TNIK: variants seen among roughly 807,000 people sequenced by gnomAD.
The protein encoded by TNIK is TRAF2 and NCK interacting kinase.
In TNIK, 49 loss-of-function variants were observed where a neutral mutation model predicts 191.3. The observed-to-expected ratio is 0.26, with a 90% CI of 0.20 to 0.32. TNIK has a LOEUF of 0.32. TNIK is among the 10% of genes least tolerant of loss of function. The pLI, the probability that TNIK is intolerant of heterozygous loss-of-function variation, is 1.00. For synonymous variants in TNIK, 594 were observed against 600.9 expected (o/e 0.99, Z 0.17); for missense variants, 1,155 against 1,702.3 (o/e 0.68, Z 5.66).
rs777397066 is a variant in TNIK, at chr3:171,177,314, G to A, written c.694+12C>T. The stretch of plus-strand genomic sequence containing the variant: ...ACCAGCAACAGATTTCACCCCAGAG[G>A]AGGGTACTTACGGGGAGCACCTTCT... On this transcript the variant is annotated intron_variant, in intron 8 of 32. Coordinates refer to ENST00000436636, the MANE Select transcript of TNIK (RefSeq NM_015028.4). 2 of 1,604,828 alleles carry A rather than the reference G, an allele frequency of 1.2e-6. No homozygotes were observed. Among genetic ancestry groups the A allele is most frequent in the Non-Finnish European group, 1.7e-6 (2 of 1,175,624 alleles).
At chr3:171,211,066 C>A in intron 4 of TNIK, 50 bp downstream of exon 4, 1 of 1,597,222 alleles carries the variant, frequency 6.3e-7, no homozygotes, top group South Asian at 1.2e-5. Flanking sequence ...AACCATTTGG[C>A]CGTGTTTGTT....
chr3:171,225,338 C>G (rs1400570792), intron 3 of TNIK, among the ~76,000 whole-genome samples: 1 of 152,114 alleles, frequency 6.6e-6, no homozygotes, highest in Non-Finnish European at 1.5e-5. Context: ...AATAAGAAAA[C>G]CATTTCCTGA....
chr3:171,391,919 C>A (rs1328936431), intron 1 of TNIK, among the ~76,000 whole-genome samples: 2 of 152,112 alleles, frequency 1.3e-5, no homozygotes, highest in East Asian at 3.8e-4. Flanking sequence ...TCACAAGACA[C>A]CTGTAGGACA....
chr3:171,206,284 T>C (rs1057154855), intron 4 of TNIK, among the ~76,000 whole-genome samples: 1 of 150,422 alleles, frequency 6.6e-6, no homozygotes, highest in African/African-American at 2.4e-5. Context: ...CATATACATA[T>C]GTATGTACAC....
At chr3:171,371,535 A>G (rs1716487538) in intron 1 of TNIK, among the ~76,000 whole-genome samples, 1 of 152,222 alleles carries the variant, frequency 6.6e-6, no homozygotes, top group Admixed American at 6.5e-5. Context: ...CCAGAAGTCC[A>G]GAAGTTCCAG....
intron 23 of TNIK, among the ~76,000 whole-genome samples, chr3:171,092,237 C>T (rs746551063): frequency 7.9e-5 from 12 of 152,188 alleles, no homozygotes; most frequent in East Asian, 3.9e-4. Context: ...CACGAGCCAC[C>T]GCGCCCGGCT....
intron 2 of TNIK, among the ~76,000 whole-genome samples, chr3:171,317,004 GATATATATCATATAAAATATATAATTATA>G: frequency 2.4e-5 from 1 of 41,354 alleles, no homozygotes; most frequent in African/African-American, 1.5e-4. Context: ...ATAATTATAT[GATATATATCATATAAAATATATAATTATA>G]TATCTTTTAT....
intron 4 of TNIK, among the ~76,000 whole-genome samples, chr3:171,204,224 A>G (rs1042454367): frequency 6.6e-6 from 1 of 152,154 alleles, no homozygotes; most frequent in African/African-American, 2.4e-5. Flanking sequence ...TCCGGATCAG[A>G]CCCTGAGCAG....
chr3:171,447,497 T>C (rs1410270995), intron 1 of TNIK, among the ~76,000 whole-genome samples: 1 of 152,258 alleles, frequency 6.6e-6, no homozygotes, highest in Non-Finnish European at 1.5e-5. Flanking sequence ...TCTGATGTCA[T>C]GACAAGGTCC....
At chr3:171,120,536 G>A (rs1047328130) in intron 18 of TNIK, among the ~76,000 whole-genome samples, 3 of 152,018 alleles carry the variant, frequency 2.0e-5, no homozygotes, top group Non-Finnish European at 4.4e-5. Context: ...AGCCAGGATG[G>A]TCTCGATCTC....
chr3:171,367,642 T>C (rs965007221), intron 2 of TNIK, among the ~76,000 whole-genome samples: 1 of 152,174 alleles, frequency 6.6e-6, no homozygotes, highest in African/African-American at 2.4e-5. Context: ...GGCTAATTTT[T>C]GTATTTTTAG....
rs1730313460 is a variant in TNIK at position 171,138,240 on chromosome 3, T to C, written c.1559A>G (p.His520Arg). 1 of 1,613,124 alleles carries C rather than the reference T, an allele frequency of 6.2e-7. No individual in the cohort carries two copies. Among genetic ancestry groups the C allele is most frequent in the Non-Finnish European group, 8.5e-7 (1 of 1,179,676 alleles). The change falls in exon 15 of 33, where the codon CAT (histidine) becomes CGT (arginine). Residue 520 changes from histidine (H) to arginine (R), a missense_variant. By Grantham distance (29) the His-to-Arg change is conservative. This residue lies in a region of TNIK where 735 missense variants were observed against 848.0 expected (regional missense o/e 0.87). Transcript: ENST00000436636. Reference protein sequence around the residue: ...QRPVEKKPLYHYKEGMSPSEK... With the variant: ...QRPVEKKPLYRYKEGMSPSEK... ...ACTAGGACTCATTCCTTCTTTGTAA[T>C]GGTACAGTGGCTTCTTCTCCACAGG...
intron 1 of TNIK, among the ~76,000 whole-genome samples, chr3:171,430,660 AAAG>A (rs1227788429): frequency 6.6e-6 from 1 of 151,750 alleles, no homozygotes; most frequent in East Asian, 1.9e-4. Flanking sequence ...AAAAAAAAAA[AAAG>A]AAATGAAATT....
At chr3:171,283,178 C>T (rs891771044) in intron 2 of TNIK, among the ~76,000 whole-genome samples, 6 of 150,902 alleles carry the variant, frequency 4.0e-5, no homozygotes, top group South Asian at 2.1e-4. Context: ...AAAAAAAGCC[C>T]CTCATGTAAT....
At chr3:171,317,041 T>C (rs932652364) in intron 2 of TNIK, among the ~76,000 whole-genome samples, 14 of 148,538 alleles carry the variant, frequency 9.4e-5, no homozygotes, top group African/African-American at 3.4e-4. Context: ...ATATATCTTT[T>C]ATAATTAAAA....
intron 2 of TNIK, among the ~76,000 whole-genome samples, chr3:171,231,379 A>G (rs1048328102): frequency 1.8e-4 from 27 of 151,916 alleles, no homozygotes; most frequent in African/African-American, 6.5e-4. Flanking sequence ...ACTGGAAAAG[A>G]AAACAACACT....
intron 1 of TNIK, among the ~76,000 whole-genome samples, chr3:171,427,413 A>C (rs1231538172): frequency 2.0e-5 from 3 of 152,164 alleles, no homozygotes; most frequent in African/African-American, 7.2e-5. Flanking sequence ...CCCTTTTCTT[A>C]GGCATATTAG....
intron 2 of TNIK, among the ~76,000 whole-genome samples, chr3:171,298,937 T>C (rs1246419277): frequency 1.3e-5 from 2 of 152,182 alleles, no homozygotes; most frequent in Non-Finnish European, 2.9e-5. Context: ...AATGGCTCCA[T>C]CATGGCACCA....
At chr3:171,400,814 A>G (rs1720859138) in intron 1 of TNIK, among the ~76,000 whole-genome samples, 1 of 152,292 alleles carries the variant, frequency 6.6e-6, no homozygotes, top group African/African-American at 2.4e-5. Flanking sequence ...TATGCCCCCA[A>G]AGATACCAAG....
Sources: gnomAD v4.1 joint callset for allele counts (sites outside exome capture counted in the v4.1 genomes callset) on GRCh38, gnomAD v4.1.1 for gene constraint, gnomAD v4.1.1 regional missense constraint, MANE v1.5 for transcripts, NCBI Gene and HGNC (gene_info 2026-07-23, HGNC 2026-07-21) for gene names.